Variants in RBM4B observed in about 807,000 individuals in gnomAD.
The protein encoded by RBM4B is RNA binding motif protein 4B, also known as RNA-binding protein 4B.
Under a neutral mutation model 28.5 loss-of-function variants are expected in RBM4B, and 13 were observed. The ratio of observed to expected loss-of-function variants is 0.46; its 90% confidence interval spans 0.30 to 0.72. RBM4B has a LOEUF of 0.72. RBM4B is among the 30% of genes least tolerant of loss of function. The pLI is 0.09. For synonymous variants in RBM4B, 167 were observed against 179.1 expected, an observed-to-expected ratio of 0.93 and a Z score of 0.54; for missense variants, 387 against 477.6, an observed-to-expected ratio of 0.81 and a Z score of 1.77.
intron 3 of RBM4B, chr11:66,668,299 A>AT: frequency 1.1e-5 from 3 of 266,140 alleles, no homozygotes; most frequent in South Asian, 7.9e-5. Context: ...CAGAGGGCAC[A>AT]TAACAAATGT....
chr11:66,668,859 GCA>G lies in RBM4B; in HGVS notation c.843_844del (p.Ala282CysfsTer45). The G allele has an allele frequency of 6.2e-7, 1 of 1,614,220 alleles. No individual in the cohort carries two copies. Among genetic ancestry groups the G allele is most frequent in the Non-Finnish European group, 8.5e-7 (1 of 1,180,038 alleles). Reference sequence around the variant, plus strand: ...AGCAGCCATAGCAGCTGAAGTGGCAGCAGCGCCAGAGTTTGGCAATAGGTGTC... The same window carrying G: ...AGCAGCCATAGCAGCTGAAGTGGCAGGCGCCAGAGTTTGGCAATAGGTGTC... On this transcript the variant is annotated frameshift_variant, in exon 3 of 4. Transcript: ENST00000310046. LOFTEE classifies it high-confidence loss of function.
intron 3 of RBM4B, chr11:66,666,539 T>A: frequency 1.5e-6 from 1 of 656,864 alleles, no homozygotes; most frequent in Middle Eastern, 7.8e-4. Flanking sequence ...AAGAGGTTAG[T>A]TGAACAACCA....
At chr11:66,675,931 G>A (rs1285941369) in intron 2 of RBM4B, 2 of 152,172 alleles carry the variant, frequency 1.3e-5, no homozygotes, top group African/African-American at 4.8e-5. Flanking sequence ...AACCTCTTGT[G>A]GTATTAATGA....
At chr11:66,673,117 C>T (rs546295126) in intron 2 of RBM4B, among the ~76,000 whole-genome samples, 226 of 151,738 alleles carry the variant, frequency 1.5e-3, no homozygotes, top group Non-Finnish European at 2.5e-3. Context: ...TGCCATGATC[C>T]AGAAAAGACT....
Position 66,669,095 on chromosome 11 carries a change from C to T in RBM4B, c.609G>A (p.Met203Ile). The T allele has an allele frequency of 1.2e-6, 2 of 1,614,134 alleles. No individual in the cohort carries two copies. Among genetic ancestry groups the T allele is most frequent in the Non-Finnish European group, 1.7e-6 (2 of 1,180,022 alleles). The change falls in exon 3 of 4, where the codon ATG becomes ATA. Residue 203 changes from methionine to isoleucine, a missense_variant. Physicochemically the swap from Met to Ile is conservative, Grantham distance 10. This residue lies in a region of RBM4B where 226 missense variants were observed against 220.6 expected (regional missense o/e 1.02). Transcript: ENST00000310046. ...QYGAVRTPYTMGYGESMYYND... is the reference protein window; with the variant it reads ...QYGAVRTPYTIGYGESMYYND... ...TGTAATACATGGATTCCCCGTAGCCCATGGTGTAAGGTGTTCGAACTGCTC... is the reference window on the plus strand; with the variant it reads ...TGTAATACATGGATTCCCCGTAGCCTATGGTGTAAGGTGTTCGAACTGCTC...
chr11:66,665,416 G>A lies in RBM4B; in HGVS notation c.*172C>T, dbSNP rs1324870902. ...TACAGAGACTAGTTTCAGGAGGAAA[G>A]AAAAGTCAACTTAGAAGAATTAAGA... On this transcript the variant is annotated 3_prime_UTR_variant, in exon 4 of 4. Coordinates refer to ENST00000310046, the MANE Select transcript of RBM4B (RefSeq NM_031492.4). 3.0e-6 allele frequency: 2 copies of A among 660,956 alleles called. No individual in the cohort carries two copies. Among genetic ancestry groups the A allele is most frequent in the Non-Finnish European group, 5.3e-6 (2 of 374,714 alleles). The allele number at this position is 660,956 out of a possible 1,614,324, so 40.9% of individuals were successfully genotyped here.
At chr11:66,668,439 G>T in intron 3 of RBM4B, 176 bp downstream of exon 3, 2 of 574,510 alleles carry the variant, frequency 3.5e-6, no homozygotes, top group Non-Finnish European at 6.2e-6. Context: ...CTAACACCTT[G>T]ACAGGCCAAA....
chr11:66,668,387 T>C, intron 3 of RBM4B: 1 of 483,858 alleles, frequency 2.1e-6, no homozygotes, highest in East Asian at 3.1e-5. Flanking sequence ...CAAACTGAAT[T>C]TGTTGTTCTC....
At chr11:66,675,092 G>C (rs1278376333) in intron 2 of RBM4B, among the ~76,000 whole-genome samples, 3 of 149,294 alleles carry the variant, frequency 2.0e-5, no homozygotes, top group Non-Finnish European at 4.4e-5. Flanking sequence ...TCCAAAATAA[G>C]AAAAAGAAAA....
Position 66,669,135 on chromosome 11 carries a change from T to C in RBM4B, c.569A>G (p.Tyr190Cys), listed in dbSNP as rs139219386. 6.3e-5 allele frequency: 101 copies of C among 1,614,086 alleles called. No homozygotes were observed. The highest frequency in any genetic ancestry group is 7.4e-5 in the Non-Finnish European group (87 of 1,180,054). ...TGRVADFTEQYNEQYGAVRTP... is the reference protein window; with the variant it reads ...TGRVADFTEQCNEQYGAVRTP... The stretch of plus-strand genomic sequence containing the variant: ...TCGAACTGCTCCATATTGTTCATTA[T>C]ACTGCTCAGTAAAGTCTGCCACACG... The change falls in exon 3 of 4, where the codon TAT becomes TGT. Residue 190 changes from tyrosine (Y) to cysteine (C), a missense_variant. Transcript: ENST00000310046.
In RBM4B at chr11:66,665,326, A is replaced by G. The variant is rs1414661774; in HGVS notation, c.*262T>C. On this transcript the variant is annotated 3_prime_UTR_variant, in exon 4 of 4. Transcript: ENST00000310046. ...GGTTCCACTGCACAGGAAAAAGGGGATGCCAGCATAATCCTTACCTAGGGC... is the reference window on the plus strand; with the variant it reads ...GGTTCCACTGCACAGGAAAAAGGGGGTGCCAGCATAATCCTTACCTAGGGC... The G allele has an allele frequency of 9.4e-6, 5 of 534,238 alleles. No homozygotes were observed. The highest frequency in any genetic ancestry group is 1.7e-5 in the Non-Finnish European group (5 of 300,206). The allele number at this position is 534,238 out of a possible 1,614,324, so 33.1% of individuals were successfully genotyped here.
intron 3 of RBM4B, chr11:66,666,595 T>C (rs1939237474): frequency 5.4e-6 from 1 of 183,878 alleles, no homozygotes; most frequent in African/African-American, 2.4e-5. Flanking sequence ...GCAATACCTT[T>C]TGAAGACCAC....
intron 2 of RBM4B, among the ~76,000 whole-genome samples, chr11:66,673,900 T>C (rs1408301650): frequency 6.6e-6 from 1 of 152,150 alleles, no homozygotes; most frequent in African/African-American, 2.4e-5. Context: ...GCTCTTGTCA[T>C]CTGGGAGAAA....
intron 2 of RBM4B, chr11:66,670,895 C>G (rs1424697516): frequency 5.7e-6 from 4 of 702,170 alleles, no homozygotes; most frequent in Non-Finnish European, 1.0e-5. Flanking sequence ...GAGAACAAAT[C>G]CCCCCTCTGC....
chr11:66,665,953 CA>C, intron 3 of RBM4B: 1 of 1,532,462 alleles, frequency 6.5e-7, no homozygotes, highest in Non-Finnish European at 8.7e-7. Context: ...CCAGGAAAAG[CA>C]GAAGATGCTG....
Position 66,668,758 on chromosome 11 carries a change from C to G in RBM4B, c.946G>C (p.Val316Leu). The change falls in exon 3 of 4, where the codon GTT (valine) becomes CTT (leucine). Residue 316 changes from valine (V) to leucine (L), a missense_variant. By Grantham distance (32) the Val-to-Leu change is conservative. Transcript: ENST00000310046. ...LRRAAAMLPTVGEGYGYGPES... is the reference protein window; with the variant it reads ...LRRAAAMLPTLGEGYGYGPES... ...GGCCCATAACCGTAGCCCTCTCCAA[C>G]TGTGGGGAGCATGGCTGCAGCACGA... is the stretch of plus-strand genomic sequence containing the variant. 6.2e-7 allele frequency: 1 copy of G among 1,614,106 alleles called. No individual in the cohort carries two copies. The highest frequency in any genetic ancestry group is 2.2e-5 in the East Asian group (1 of 44,906).
chr11:66,666,378 G>C lies in RBM4B; in HGVS notation c.*10-800C>G, dbSNP rs1051890057. 3 of 994,988 alleles carry C rather than the reference G, an allele frequency of 3.0e-6. No homozygotes were observed. The African/African-American group carries it at 5.2e-5, about 17-fold the overall frequency. 61.6% of individuals were successfully genotyped at this position (994,988 alleles called of 1,614,324 possible). On this transcript the variant is annotated intron_variant, in intron 3 of 3. Transcript: ENST00000310046. ...TCTTGGATCAGTTCTGCTAGGGTGAGACCCGAATTTGGATCCCCAACAGTT... is the reference window on the plus strand; with the variant it reads ...TCTTGGATCAGTTCTGCTAGGGTGACACCCGAATTTGGATCCCCAACAGTT...
At position 66,668,745 on chromosome 11, in the gene RBM4B, T is replaced by C; in HGVS notation, c.959A>G (p.Tyr320Cys). The part of the protein sequence containing the change: ...AAMLPTVGEG[Y>C]GYGPESELSQ... ...TAATTCACTCTCTGGCCCATAACCGTAGCCCTCTCCAACTGTGGGGAGCAT... is the reference window on the plus strand; with the variant it reads ...TAATTCACTCTCTGGCCCATAACCGCAGCCCTCTCCAACTGTGGGGAGCAT... Residue 320 changes from tyrosine to cysteine, a missense_variant, in exon 3 of 4, where the codon TAC becomes TGC. Tyr to Cys is a radical substitution (Grantham distance 194). Transcript: ENST00000310046. 2.5e-6 allele frequency: 4 copies of C among 1,614,220 alleles called. No individual in the cohort carries two copies. The highest frequency in any genetic ancestry group is 2.2e-5 in the East Asian group (1 of 44,890).
At chr11:66,672,032 C>A (rs1419535966) in intron 2 of RBM4B, among the ~76,000 whole-genome samples, 2 of 151,908 alleles carry the variant, frequency 1.3e-5, no homozygotes, top group African/African-American at 2.4e-5. Context: ...ACAGGCGTGA[C>A]CACTGCACCC....
Sources: allele counts gnomAD v4.1 joint callset (sites outside exome capture counted in the v4.1 genomes callset), GRCh38; gene constraint gnomAD v4.1.1; regional missense constraint gnomAD v4.1.1; transcripts MANE v1.5; gene names NCBI Gene and HGNC (gene_info 2026-07-23, HGNC 2026-07-21).